Variants in BEST1 observed in about 807,000 individuals in gnomAD.
BEST1 encodes bestrophin-1.
Under a neutral mutation model 63.3 loss-of-function variants are expected in BEST1, and 58 were observed. The observed-to-expected ratio is 0.92, with a 90% CI of 0.74 to 1.14. BEST1 has a LOEUF of 1.14. BEST1 is among the 50% of genes most tolerant of loss of function. The pLI is 0.00. For synonymous variants in BEST1, 283 were observed against 291.6 expected (o/e 0.97, Z 0.30); for missense variants, 671 against 740.1 (o/e 0.91, Z 1.08).
chr11:61,955,738 G>C lies in BEST1; in HGVS notation c.268G>C (p.Val90Leu), dbSNP rs1343490048. 2 of 1,548,316 alleles carry C rather than the reference G, an allele frequency of 1.3e-6. No individual in the cohort carries two copies. Among genetic ancestry groups the C allele is most frequent in the South Asian group, 1.2e-5 (1 of 83,986 alleles). The change falls in exon 4 of 11, where the codon GTG becomes CTG. Residue 90 changes from valine (V) to leucine (L), a missense_variant. Physicochemically the swap from Val to Leu is conservative, Grantham distance 32 (BLOSUM62 1). Transcript: ENST00000378043. The part of the protein sequence containing the change: ...FVLGFYVTLV[V>L]TRWWNQYENL... Reference sequence around the variant, plus strand: ...CCCAGGCTTCTACGTGACGCTGGTCGTGACCCGCTGGTGGAACCAGTACGA... The same window carrying C: ...CCCAGGCTTCTACGTGACGCTGGTCCTGACCCGCTGGTGGAACCAGTACGA...
Position 61,958,270 on chromosome 11 carries a change from A to C in BEST1, c.839A>C (p.Gln280Pro), listed in dbSNP as rs764547020. 9.9e-6 allele frequency: 16 copies of C among 1,614,070 alleles called. No homozygotes were observed. Among genetic ancestry groups the C allele is most frequent in the Admixed American group, 1.7e-5 (1 of 60,008 alleles). The part of the protein sequence containing the change: ...DLVVPVFTFL[Q>P]FFFYVGWLKV... ...GTTGTGCCCGTCTTCACGTTCCTGC[A>C]GTTCTTCTTCTATGTTGGCTGGCTG... The change falls in exon 7 of 11, where the codon CAG (glutamine) becomes CCG (proline). Residue 280 changes from glutamine (Q) to proline (P), a missense_variant. Transcript: ENST00000378043.
In BEST1 at chr11:61,962,318, C is replaced by T; in HGVS notation, c.1164C>T (p.Gly388=). The T allele has an allele frequency of 6.2e-7, 1 of 1,614,182 alleles. No homozygotes were observed. The highest frequency in any genetic ancestry group is 8.5e-7 in the Non-Finnish European group (1 of 1,180,026). ...AGGACGAGGAGGATGCTCACGCTGG[C>T]ATCATTGGCCGCTTCCTAGGCCTGC... ...NQEDEEDAHA[G]IIGRFLGLQS... Residue 388 remains glycine (G), a synonymous_variant, in exon 10 of 11, where the codon GGC becomes GGT. Transcript: ENST00000378043.
downstream of BEST1, chr11:61,965,135 A>C (rs752433391): frequency 6.2e-7 from 1 of 1,602,744 alleles, no homozygotes; most frequent in Admixed American, 1.7e-5. Context: ...AGGTTAATGC[A>C]TCTCTACCAA....
At chr11:61,953,574 G>A (rs1010913957) in intron 2 of BEST1, among the ~76,000 whole-genome samples, 5 of 152,210 alleles carry the variant, frequency 3.3e-5, no homozygotes, top group African/African-American at 1.2e-4. Flanking sequence ...GCCGAGTGGG[G>A]TGGCACGCAC....
rs368374819 is a variant in BEST1 at position 61,962,652 on chromosome 11, A to G, written c.1498A>G (p.Lys500Glu). 7 of 1,614,090 alleles carry G rather than the reference A, an allele frequency of 4.3e-6. No homozygotes were observed. The highest frequency in any genetic ancestry group is 1.3e-5 in the African/African-American group (1 of 74,940). The change falls in exon 10 of 11, where the codon AAA becomes GAA. Residue 500 changes from lysine to glutamate, a missense_variant. By Grantham distance (56) the Lys-to-Glu change is moderately conservative. Transcript: ENST00000378043. ...TGTCACAGGCATAGACACCAAAGAC[A>G]AAAGCTTAAAGACTGTGAGTTCTGG... ...HSVTGIDTKD[K>E]SLKTVSSGAK...
chr11:61,951,730 C>G (rs919984267), intron 1 of BEST1, 41 bp from the exon 2 acceptor site: 4 of 1,588,354 alleles, frequency 2.5e-6, no homozygotes, highest in African/African-American at 1.3e-5. Flanking sequence ...ACCAGGGCCT[C>G]TGATCCCTAC....
intron 2 of BEST1, among the ~76,000 whole-genome samples, chr11:61,952,569 C>T (rs1410295029): frequency 1.4e-5 from 2 of 147,968 alleles, no homozygotes; most frequent in South Asian, 2.1e-4. Flanking sequence ...CAGGTGCAAG[C>T]GATTCTCCTG....
intron 7 of BEST1, 184 bp downstream of exon 7, chr11:61,958,482 C>G: frequency 6.6e-7 from 1 of 1,506,392 alleles, no homozygotes; most frequent in Non-Finnish European, 8.9e-7. Context: ...ATCGCTTGAA[C>G]CCGGGAGGCG....
Position 61,955,095 on chromosome 11 carries a change from C to A in BEST1, c.153-12C>A. ...TGCGTCCACACAATTCCACCCCCAC[C>A]CCCACCCCCAGGCTGGCCCTCACGG... is the stretch of plus-strand genomic sequence containing the variant. On this transcript the variant is annotated splice_polypyrimidine_tract_variant and intron_variant, in intron 2 of 10. Transcript: ENST00000378043. 6.2e-7 allele frequency: 1 copy of A among 1,612,826 alleles called. No individual in the cohort carries two copies. The highest frequency in any genetic ancestry group is 8.5e-7 in the Non-Finnish European group (1 of 1,178,998).
intron 10 of BEST1, chr11:61,963,197 G>A (rs1942262003): frequency 1.4e-6 from 2 of 1,432,246 alleles, no homozygotes; most frequent in Admixed American, 2.9e-5. Context: ...AGGGCTGACA[G>A]GCCAGGCTTA....
At position 61,963,013 on chromosome 11, in the gene BEST1, T is replaced by C. The variant is rs192543400; in HGVS notation, c.1739+120T>C. 9.6e-5 allele frequency: 152 copies of C among 1,587,680 alleles called. 1 individual carries two copies. The East Asian group carries it at 3.3e-3, about 34-fold the overall frequency. On this transcript the variant is annotated intron_variant, in intron 10 of 10. Coordinates refer to ENST00000378043, the MANE Select transcript of BEST1 (RefSeq NM_004183.4). ...GGGTTCCATCACTGCCAGAGCACACTGGACCTACGCCCAGCACTGGCTTGG... is the reference window on the plus strand; with the variant it reads ...GGGTTCCATCACTGCCAGAGCACACCGGACCTACGCCCAGCACTGGCTTGG...
rs1436670021 is a variant in BEST1, at chr11:61,964,381, C to G, written c.*259C>G. The G allele has an allele frequency of 1.4e-6, 1 of 708,772 alleles. No individual in the cohort carries two copies. Among genetic ancestry groups the G allele is most frequent in the East Asian group, 2.7e-5 (1 of 36,674 alleles). The allele number at this position is 708,772 out of a possible 1,614,324, so 43.9% of individuals were successfully genotyped here. On this transcript the variant is annotated 3_prime_UTR_variant, in exon 11 of 11. Transcript: ENST00000378043. Reference sequence around the variant, plus strand: ...GACTCTGGATTCAGAGTCGGGAACCCTTAGTTCTATCTGAATCCAAGACAG... The same window carrying G: ...GACTCTGGATTCAGAGTCGGGAACCGTTAGTTCTATCTGAATCCAAGACAG...
chr11:61,957,825 A>C (rs1441210263), intron 6 of BEST1, among the ~76,000 whole-genome samples: 1 of 152,044 alleles, frequency 6.6e-6, no homozygotes, highest in Admixed American at 6.5e-5. Context: ...GAAAATACAG[A>C]ATTAGCTGTG....
At position 61,962,811 on chromosome 11, in the gene BEST1, A is replaced by T; in HGVS notation, c.1657A>T (p.Lys553Ter). Residue 553 changes from lysine to a stop codon, truncating the protein, a stop_gained, in exon 10 of 11, where the codon AAA (lysine) becomes TAA (stop). Coordinates refer to ENST00000378043, the MANE Select transcript of BEST1 (RefSeq NM_004183.4). LOFTEE classifies it high-confidence loss of function. ...DMPEIPENHL[K>*]EPLEQSPTNI... ...GCCAGAGATCCCCGAAAATCACCTC[A>T]AAGAACCTTTGGAACAATCACCAAC... 13 of 1,614,192 alleles carry T rather than the reference A, an allele frequency of 8.1e-6. No homozygotes were observed. Among genetic ancestry groups the T allele is most frequent in the Non-Finnish European group, 1.1e-5 (13 of 1,180,030 alleles).
chr11:61,962,838 A>G lies in BEST1; in HGVS notation c.1684A>G (p.Asn562Asp). The G allele has an allele frequency of 6.2e-7, 1 of 1,614,138 alleles. No individual in the cohort carries two copies. Among genetic ancestry groups the G allele is most frequent in the Non-Finnish European group, 8.5e-7 (1 of 1,180,006 alleles). ...AGAACCTTTGGAACAATCACCAACC[A>G]ACATACACACTACACTCAAAGATCA... ...LKEPLEQSPT[N>D]IHTTLKDHMD... is the part of the protein sequence containing the mutation. The change falls in exon 10 of 11, where the codon AAC becomes GAC. Residue 562 changes from asparagine (N) to aspartate (D), a missense_variant. Physicochemically the swap from Asn to Asp is conservative, Grantham distance 23 (BLOSUM62 1). Coordinates refer to ENST00000378043, the MANE Select transcript of BEST1 (RefSeq NM_004183.4).
At chr11:61,951,984 G>C in intron 2 of BEST1, 26 bp downstream of exon 2, 1 of 1,611,952 alleles carries the variant, frequency 6.2e-7, no homozygotes, top group South Asian at 1.1e-5. Context: ...CTGGGCCGGG[G>C]GGCCTGGGAA....
At chr11:61,961,886 T>TCACTCATGGGCCTCATCTGAAC (rs1942101360) in intron 9 of BEST1, 1 of 257,666 alleles carries the variant, frequency 3.9e-6, no homozygotes, top group Admixed American at 4.9e-5. Context: ...TTGCCCAGAG[T>TCACTCATGGGCCTCATCTGAAC]CACTCATGGG....
intron 9 of BEST1, 61 bp from the exon 10 acceptor site, chr11:61,962,190 GAAGT>G (rs1942134367): frequency 6.4e-7 from 1 of 1,573,550 alleles, no homozygotes; most frequent in Non-Finnish European, 8.7e-7. Flanking sequence ...GGGTAAGGGA[GAAGT>G]AAGGCCAGGT....
At chr11:61,964,646 G>C, downstream of BEST1, 12 of 1,436,864 alleles carry the variant, frequency 8.4e-6, no homozygotes, top group Non-Finnish European at 1.2e-5. Context: ...TATAGAAAAG[G>C]TAAAGGAAAC....
Sources: gnomAD v4.1 joint callset for allele counts (sites outside exome capture counted in the v4.1 genomes callset) on GRCh38, gnomAD v4.1.1 for gene constraint, MANE v1.5 for transcripts, NCBI Gene and HGNC (gene_info 2026-07-23, HGNC 2026-07-21) for gene names.